G2E3: variants seen among roughly 807,000 people sequenced by gnomAD.
G2E3 encodes G2/M-phase specific E3 ubiquitin protein ligase.
Under a neutral mutation model 92.8 loss-of-function variants are expected in G2E3, and 35 were observed. That is an observed-to-expected ratio of 0.38 (90% CI 0.29 to 0.50). The LOEUF is 0.50. Among genes scored for constraint, G2E3 ranks in the 20% least tolerant of loss-of-function variants. The pLI is 0.94. For missense variants in G2E3, 554 were observed against 823.8 expected, an observed-to-expected ratio of 0.67 and a Z score of 4.01; for synonymous variants, 242 against 272.4, an observed-to-expected ratio of 0.89 and a Z score of 1.10.
At chr14:30,598,932 C>T (rs1309568727) in intron 8 of G2E3, among the ~76,000 whole-genome samples, 1 of 152,166 alleles carries the variant, frequency 6.6e-6, no homozygotes, top group Non-Finnish European at 1.5e-5. Context: ...ATACCAAAGA[C>T]TTAGTTCACT....
rs114818557 is a variant in G2E3, at chr14:30,585,576, C to T, written c.38-1142C>T. Among the ~76,000 whole-genome samples, 690 of 149,836 alleles carry T rather than the reference C, an allele frequency of 4.6e-3. 7 individuals are homozygous for T. The highest frequency in any genetic ancestry group is 0.016 in the African/African-American group (647 of 40,876). The stretch of plus-strand genomic sequence containing the variant: ...TGTAGTTTTGTTGTAAGTTTTTAAT[C>T]TTCTCCCCCTTTTTTTTTTTGGTTA... On this transcript the variant is annotated intron_variant, in intron 2 of 14. Coordinates refer to ENST00000206595, the MANE Select transcript of G2E3 (RefSeq NM_017769.5).
chr14:30,610,952 G>A (rs1170089255), intron 12 of G2E3, among the ~76,000 whole-genome samples: 2 of 152,178 alleles, frequency 1.3e-5, no homozygotes, highest in African/African-American at 4.8e-5. Flanking sequence ...CATATAGTTT[G>A]AAAAGCATAA....
At chr14:30,603,155 G>A (rs911937488) in intron 10 of G2E3, among the ~76,000 whole-genome samples, 1 of 151,940 alleles carries the variant, frequency 6.6e-6, no homozygotes, top group African/African-American at 2.4e-5. Context: ...GTGAAACCCC[G>A]TCTCTATTAA....
intron 6 of G2E3, among the ~76,000 whole-genome samples, chr14:30,594,897 G>A (rs1245068545): frequency 6.6e-6 from 1 of 151,492 alleles, no homozygotes; most frequent in African/African-American, 2.4e-5. Flanking sequence ...GGGAGGCCGA[G>A]GAGGGCGGAT....
chr14:30,560,759 G>C (rs1448580188), intron 1 of G2E3: 1 of 701,660 alleles, frequency 1.4e-6, no homozygotes, highest in Non-Finnish European at 2.6e-6. Flanking sequence ...GTTCAACAAT[G>C]CTGATTCCTG....
chr14:30,567,400 C>G (rs1003581208), intron 1 of G2E3, among the ~76,000 whole-genome samples: 1 of 152,020 alleles, frequency 6.6e-6, no homozygotes, highest in Non-Finnish European at 1.5e-5. Flanking sequence ...ATTTGTTTAA[C>G]CTATTGTTTA....
intron 1 of G2E3, among the ~76,000 whole-genome samples, chr14:30,561,845 T>C (rs1879119311): frequency 6.6e-6 from 1 of 150,976 alleles, no homozygotes; most frequent in African/African-American, 2.5e-5. Context: ...CAAAAAGTTG[T>C]TGCTTTTTTT....
intron 6 of G2E3, among the ~76,000 whole-genome samples, chr14:30,597,176 GA>G (rs977452139): frequency 2.6e-4 from 40 of 151,698 alleles, no homozygotes; most frequent in African/African-American, 8.4e-4. Context: ...CAATAAGATT[GA>G]AAAAAATATA....
intron 13 of G2E3, among the ~76,000 whole-genome samples, chr14:30,614,541 A>C (rs1882229841): frequency 6.6e-6 from 1 of 152,136 alleles, no homozygotes; most frequent in Non-Finnish European, 1.5e-5. Flanking sequence ...CTTGTGACCT[A>C]CTCACCTCTT....
Position 30,604,907 on chromosome 14 carries a change from C to T in G2E3, c.1011-598C>T, listed in dbSNP as rs137923929. Among the ~76,000 whole-genome samples the T allele has an allele frequency of 7.6e-3, 1,029 of 135,866 alleles. 22 individuals are homozygous for T. The highest frequency in any genetic ancestry group is 0.027 in the African/African-American group (964 of 35,214). The allele number at this position is 135,866 out of a possible 152,430, so 89.1% of individuals were successfully genotyped here. On this transcript the variant is annotated intron_variant, in intron 10 of 14. Transcript: ENST00000206595. ...TCATTCATTCATTCATTCATTCATTCATTTATGAGACGGAGTTTCGCTCTT... is the reference window on the plus strand; with the variant it reads ...TCATTCATTCATTCATTCATTCATTTATTTATGAGACGGAGTTTCGCTCTT...
intron 1 of G2E3, among the ~76,000 whole-genome samples, chr14:30,567,875 G>C (rs542111021): frequency 6.6e-6 from 1 of 151,858 alleles, no homozygotes; most frequent in Non-Finnish European, 1.5e-5. Flanking sequence ...TTGATTTCTA[G>C]TTTCATTCCA....
intron 8 of G2E3, among the ~76,000 whole-genome samples, chr14:30,600,616 GTC>G (rs1288801457): frequency 6.6e-6 from 1 of 152,034 alleles, no homozygotes; most frequent in Non-Finnish European, 1.5e-5. Flanking sequence ...TATACCATTG[GTC>G]TCTCAATCAG....
intron 2 of G2E3, 138 bp downstream of exon 2, chr14:30,581,254 A>G: frequency 1.8e-6 from 1 of 556,254 alleles, no homozygotes. Flanking sequence ...AATATTGCAT[A>G]TATTTATTTC....
At chr14:30,587,866 C>G (rs1880799791) in intron 3 of G2E3, among the ~76,000 whole-genome samples, 1 of 152,194 alleles carries the variant, frequency 6.6e-6, no homozygotes, top group Admixed American at 6.5e-5. Context: ...TTGCTTTATT[C>G]TGTTAGAAAC....
chr14:30,564,155 A>G (rs1879292204), intron 1 of G2E3, among the ~76,000 whole-genome samples: 1 of 152,248 alleles, frequency 6.6e-6, no homozygotes, highest in Non-Finnish European at 1.5e-5. Context: ...TAGTAAATGT[A>G]TTCTCTTGTA....
intron 8 of G2E3, among the ~76,000 whole-genome samples, chr14:30,599,971 T>G (rs1881486398): frequency 6.6e-6 from 1 of 152,228 alleles, no homozygotes; most frequent in Non-Finnish European, 1.5e-5. Flanking sequence ...ATACGGCTCT[T>G]TTCTACAACA....
Position 30,609,827 on chromosome 14 carries a change from ACTC to A in G2E3, c.1500+1763_1500+1765del, listed in dbSNP as rs375492646. Among the ~76,000 whole-genome samples, 17 of 150,782 alleles carry A rather than the reference ACTC, an allele frequency of 1.1e-4. No homozygotes were observed. The East Asian group carries it at 2.7e-3, about 24-fold the overall frequency. On this transcript the variant is annotated intron_variant, in intron 12 of 14. Transcript: ENST00000206595. Reference sequence around the variant, plus strand: ...AGCTGTCTTGGAGAGTCATTTTCATACTCCTCCATTTTCCAGTTATATGTCAAG... The same window carrying A: ...AGCTGTCTTGGAGAGTCATTTTCATACTCCATTTTCCAGTTATATGTCAAG...
chr14:30,592,194 C>T, intron 4 of G2E3, 129 bp from the exon 5 acceptor site: 1 of 772,872 alleles, frequency 1.3e-6, no homozygotes, highest in Non-Finnish European at 2.1e-6. Context: ...TTTAATATAC[C>T]CTTACCACAG....
At chr14:30,599,048 GT>G (rs964534485) in intron 8 of G2E3, among the ~76,000 whole-genome samples, 1 of 152,128 alleles carries the variant, frequency 6.6e-6, no homozygotes, top group Non-Finnish European at 1.5e-5. Context: ...GACAGGTTTG[GT>G]TTTTTCTGAG....
Sources: allele counts gnomAD v4.1 joint callset (sites outside exome capture counted in the v4.1 genomes callset), GRCh38; gene constraint gnomAD v4.1.1; transcripts MANE v1.5; gene names NCBI Gene and HGNC (gene_info 2026-07-23, HGNC 2026-07-21).